The following CSMD1 variants were observed in gnomAD, a reference collection of about 807,000 sequenced individuals.
CSMD1 encodes CUB and Sushi multiple domains 1.
In CSMD1, 213 loss-of-function variants were observed where a neutral mutation model predicts 417.5. The observed-to-expected ratio is 0.51, with a 90% CI of 0.46 to 0.57. CSMD1 has a LOEUF of 0.57. Among genes scored for constraint, CSMD1 ranks in the 20% least tolerant of loss-of-function variants. The probability of loss-of-function intolerance (pLI) is 0.00; values close to 1 mark genes in which losing one functional copy is unlikely to be tolerated. For synonymous variants in CSMD1, 2,862 were observed against 1,736.8 expected, an observed-to-expected ratio of 1.65 and a Z score of -16.11; for missense variants, 6,923 against 4,529.7, an observed-to-expected ratio of 1.53 and a Z score of -15.17.
intron 3 of CSMD1, among the ~76,000 whole-genome samples, chr8:4,287,303 C>A (rs181508305): frequency 6.6e-6 from 1 of 152,118 alleles, no homozygotes; most frequent in East Asian, 1.9e-4. Flanking sequence ...TCTTTATTTT[C>A]AGATAAATCA....
chr8:3,681,421 A>T (rs1159262138), intron 7 of CSMD1, among the ~76,000 whole-genome samples: 1 of 152,206 alleles, frequency 6.6e-6, no homozygotes, highest in African/African-American at 2.4e-5. Context: ...CCAAATCATG[A>T]GTGAACTCCC....
chr8:3,565,988 T>C (rs1299048391), intron 10 of CSMD1, among the ~76,000 whole-genome samples: 1 of 152,206 alleles, frequency 6.6e-6, no homozygotes, highest in Admixed American at 6.5e-5. Flanking sequence ...TTCATCAATA[T>C]AATACATTGA....
chr8:3,296,933 G>A (rs562832191), intron 25 of CSMD1, among the ~76,000 whole-genome samples: 1 of 152,168 alleles, frequency 6.6e-6, no homozygotes, highest in Non-Finnish European at 1.5e-5. Context: ...TCAGAGAGAA[G>A]TCAGAGTGGA....
chr8:3,117,366 A>T (rs1049358908), intron 42 of CSMD1, among the ~76,000 whole-genome samples: 4 of 152,178 alleles, frequency 2.6e-5, no homozygotes, highest in African/African-American at 9.7e-5. Flanking sequence ...AATAATACAG[A>T]ATAGGTAAAT....
chr8:4,172,484 CAATT>C (rs1458593440), intron 3 of CSMD1, among the ~76,000 whole-genome samples: 2 of 151,230 alleles, frequency 1.3e-5, no homozygotes, highest in African/African-American at 2.4e-5. Flanking sequence ...ATTCACATGA[CAATT>C]AAAAAAAAAA....
intron 1 of CSMD1, among the ~76,000 whole-genome samples, chr8:4,816,209 G>T (rs1207117077): frequency 6.6e-6 from 1 of 151,582 alleles, no homozygotes; most frequent in East Asian, 1.9e-4. Context: ...TTTTGGGACA[G>T]AGTCTCGCTC....
chr8:4,206,533 G>C (rs940524484), intron 3 of CSMD1, among the ~76,000 whole-genome samples: 1 of 152,108 alleles, frequency 6.6e-6, no homozygotes, highest in Non-Finnish European at 1.5e-5. Context: ...TTTTATGGCT[G>C]CCTAGTATTC....
intron 1 of CSMD1, among the ~76,000 whole-genome samples, chr8:4,947,810 A>G (rs772586734): frequency 4.6e-5 from 7 of 152,136 alleles, no homozygotes; most frequent in Non-Finnish European, 1.0e-4. Context: ...TCTAAAACTC[A>G]TCAAGTTTTT....
chr8:3,461,864 C>A (rs79330700), intron 12 of CSMD1, among the ~76,000 whole-genome samples: 1 of 152,176 alleles, frequency 6.6e-6, no homozygotes, highest in Non-Finnish European at 1.5e-5. Flanking sequence ...GACCGAGGCC[C>A]TGTGAGGACT....
chr8:3,364,460 G>C (rs35986811), intron 20 of CSMD1, among the ~76,000 whole-genome samples: 27,142 of 152,158 alleles, frequency 0.18, 2,572 homozygotes, highest in African/African-American at 0.23. Flanking sequence ...CCATGAAAGA[G>C]TATTTTATTG....
chr8:3,065,803 A>C (rs1407141416), intron 49 of CSMD1, among the ~76,000 whole-genome samples: 1 of 152,240 alleles, frequency 6.6e-6, no homozygotes, highest in Non-Finnish European at 1.5e-5. Context: ...ATAAATCAAA[A>C]GTATTAACAA....
intron 10 of CSMD1, among the ~76,000 whole-genome samples, chr8:3,496,124 G>C (rs961866967): frequency 6.6e-6 from 1 of 152,106 alleles, no homozygotes; most frequent in Non-Finnish European, 1.5e-5. Context: ...TGTTCTCATT[G>C]TTCAGCTCCC....
At chr8:3,546,760 G>C (rs1256152981) in intron 10 of CSMD1, among the ~76,000 whole-genome samples, 1 of 152,150 alleles carries the variant, frequency 6.6e-6, no homozygotes, top group Non-Finnish European at 1.5e-5. Context: ...GCACAGTTGT[G>C]TTTCATGACA....
chr8:4,301,265 T>A (rs1243571401), intron 3 of CSMD1, among the ~76,000 whole-genome samples: 1 of 152,110 alleles, frequency 6.6e-6, no homozygotes, highest in Admixed American at 6.6e-5. Flanking sequence ...TCTTTGGCCC[T>A]CCACAAAGTC....
intron 2 of CSMD1, among the ~76,000 whole-genome samples, chr8:4,628,227 A>G (rs1330231677): frequency 6.6e-6 from 1 of 151,510 alleles, no homozygotes; most frequent in Non-Finnish European, 1.5e-5. Flanking sequence ...CTAAAAGTGC[A>G]TCTTATAAAT....
intron 1 of CSMD1, among the ~76,000 whole-genome samples, chr8:4,929,933 T>C (rs1463636744): frequency 2.0e-5 from 3 of 152,206 alleles, no homozygotes; most frequent in Non-Finnish European, 2.9e-5. Flanking sequence ...CAAGAGCTAA[T>C]TTAGTTCCTG....
chr8:2,969,169 C>T (rs1804221208), intron 57 of CSMD1, among the ~76,000 whole-genome samples: 1 of 152,110 alleles, frequency 6.6e-6, no homozygotes, highest in Admixed American at 6.6e-5. Context: ...AAATTACCCA[C>T]GCTATATGTA....
At chr8:4,147,315 T>C (rs1804198921) in intron 3 of CSMD1, among the ~76,000 whole-genome samples, 1 of 152,132 alleles carries the variant, frequency 6.6e-6, no homozygotes, top group African/African-American at 2.4e-5. Flanking sequence ...AGGGGAAGCC[T>C]TCTGTATGCT....
intron 5 of CSMD1, among the ~76,000 whole-genome samples, chr8:3,902,741 C>T (rs544146475): frequency 6.6e-6 from 1 of 152,106 alleles, no homozygotes; most frequent in Admixed American, 6.6e-5. Context: ...GAGACCCCTG[C>T]TGAGGTACAC....
Sources: allele counts gnomAD v4.1 joint callset (sites outside exome capture counted in the v4.1 genomes callset), GRCh38; gene constraint gnomAD v4.1.1; transcripts MANE v1.5; gene names NCBI Gene and HGNC (gene_info 2026-07-23, HGNC 2026-07-21).